The following MIS18A variants were observed in gnomAD, a reference collection of about 807,000 sequenced individuals.
MIS18A encodes the protein MIS18 kinetochore protein A.
In MIS18A, 14 loss-of-function variants were observed where a neutral mutation model predicts 25.0. The observed-to-expected ratio is 0.56, with a 90% CI of 0.37 to 0.88. MIS18A has a LOEUF of 0.88. MIS18A is among the 40% of genes least tolerant of loss of function. The pLI is 0.00. For synonymous variants in MIS18A, 134 were observed against 118.6 expected (o/e 1.13, Z -0.84); for missense variants, 292 against 290.8 (o/e 1.00, Z -0.03).
At chr21:32,243,059 G>A in the MIS18A span, among the ~76,000 whole-genome samples, 7 of 152,116 alleles carry the variant, frequency 4.6e-5, no homozygotes, top group East Asian at 1.2e-3. Context: ...ACATCCAGAG[G>A]CAAAATAAAT....
At chr21:32,195,320 C>T in the MIS18A span, among the ~76,000 whole-genome samples, 5 of 152,162 alleles carry the variant, frequency 3.3e-5, no homozygotes, top group South Asian at 4.1e-4. Flanking sequence ...GGCCTATGTG[C>T]GTCATTCAAG....
intron 2 of MIS18A, among the ~76,000 whole-genome samples, chr21:32,273,584 C>G (rs1416558070): frequency 6.6e-6 from 1 of 152,124 alleles, no homozygotes; most frequent in Non-Finnish European, 1.5e-5. Context: ...CTCAAGAAAT[C>G]GAAAGGGTTT....
At chr21:32,187,597 T>C in the MIS18A span, among the ~76,000 whole-genome samples, 7 of 152,186 alleles carry the variant, frequency 4.6e-5, no homozygotes, top group African/African-American at 1.7e-4. Flanking sequence ...AAAGGATGTG[T>C]TCTAGGGATG....
chr21:32,221,767 C>T, the MIS18A span, among the ~76,000 whole-genome samples: 1 of 150,686 alleles, frequency 6.6e-6, no homozygotes, highest in African/African-American at 2.4e-5. Flanking sequence ...GTGGAGGGCA[C>T]CTGTAATCTC....
chr21:32,241,749 T>C, the MIS18A span, among the ~76,000 whole-genome samples: 1 of 152,148 alleles, frequency 6.6e-6, no homozygotes, highest in Admixed American at 6.5e-5. Flanking sequence ...AGCGGTAACA[T>C]TTCACTATAA....
At chr21:32,250,588 C>G in the MIS18A span, among the ~76,000 whole-genome samples, 1 of 152,198 alleles carries the variant, frequency 6.6e-6, no homozygotes, top group Non-Finnish European at 1.5e-5. Context: ...CTAGGCTGTC[C>G]TGAGGAACTC....
chr21:32,164,904 A>G, the MIS18A span, among the ~76,000 whole-genome samples: 1 of 152,236 alleles, frequency 6.6e-6, no homozygotes, highest in Admixed American at 6.5e-5. Context: ...AAAACATTCT[A>G]GAATAACATC....
the MIS18A span, among the ~76,000 whole-genome samples, chr21:32,259,045 T>C: frequency 6.6e-6 from 1 of 151,982 alleles, no homozygotes; most frequent in African/African-American, 2.4e-5. Flanking sequence ...AACTTTTTAA[T>C]TTTTTCGTAG....
At chr21:32,234,385 G>C in the MIS18A span, among the ~76,000 whole-genome samples, 1 of 152,046 alleles carries the variant, frequency 6.6e-6, no homozygotes, top group Non-Finnish European at 1.5e-5. Context: ...GCTTCCCATA[G>C]TCCTAATGCC....
the MIS18A span, among the ~76,000 whole-genome samples, chr21:32,253,400 C>T: frequency 7.2e-6 from 1 of 138,438 alleles, no homozygotes; most frequent in Non-Finnish European, 1.6e-5. Flanking sequence ...TCCCCCCACC[C>T]CCCATTAGGC....
At chr21:32,262,225 G>A in the MIS18A span, among the ~76,000 whole-genome samples, 1 of 152,156 alleles carries the variant, frequency 6.6e-6, no homozygotes, top group African/African-American at 2.4e-5. Flanking sequence ...ACAGTGCTCC[G>A]CACCTCCTAA....
the MIS18A span, among the ~76,000 whole-genome samples, chr21:32,187,321 T>C: frequency 6.6e-6 from 1 of 152,188 alleles, no homozygotes; most frequent in Non-Finnish European, 1.5e-5. Context: ...GTGTCACATT[T>C]TGAAGTCAAT....
the MIS18A span, among the ~76,000 whole-genome samples, chr21:32,228,510 C>A: frequency 6.6e-5 from 10 of 151,950 alleles, no homozygotes; most frequent in African/African-American, 2.4e-4. Flanking sequence ...GGGCAACAGG[C>A]AAGAAAGAGA....
the MIS18A span, among the ~76,000 whole-genome samples, chr21:32,158,471 A>ATTTTTTTTTTTTT: frequency 6.9e-6 from 1 of 144,642 alleles, no homozygotes. Flanking sequence ...GATTATTATG[A>ATTTTTTTTTTTTT]TTTTTTTTTT....
chr21:32,158,188 AT>A, the MIS18A span, among the ~76,000 whole-genome samples: 2 of 152,166 alleles, frequency 1.3e-5, no homozygotes, highest in Admixed American at 6.5e-5. Context: ...TTCAAAAATA[AT>A]TTTTTTCCTT....
intron 1 of MIS18A, 24 bp downstream of exon 1, chr21:32,278,657 C>G (rs1389405900): frequency 1.5e-5 from 23 of 1,494,212 alleles, no homozygotes; most frequent in East Asian, 4.8e-5. Context: ...CCACGCCCCC[C>G]CTGCCCGGCT....
the MIS18A span, among the ~76,000 whole-genome samples, chr21:32,181,435 G>C: frequency 6.6e-6 from 1 of 152,108 alleles, no homozygotes. Context: ...GTTTCTCTGG[G>C]GAACCCTCAC....
the MIS18A span, among the ~76,000 whole-genome samples, chr21:32,211,517 G>A: frequency 2.4e-4 from 37 of 152,146 alleles, no homozygotes; most frequent in Non-Finnish European, 4.7e-4. Context: ...AGGCTGTTTC[G>A]GGAGATGGCT....
chr21:32,173,670 A>G, the MIS18A span, among the ~76,000 whole-genome samples: 1 of 152,148 alleles, frequency 6.6e-6, no homozygotes, highest in African/African-American at 2.4e-5. Context: ...AGTCACAAAG[A>G]TATATTGTAT....
Sources: allele counts gnomAD v4.1 joint callset (sites outside exome capture counted in the v4.1 genomes callset), GRCh38; gene constraint gnomAD v4.1.1; transcripts MANE v1.5; gene names NCBI Gene and HGNC (gene_info 2026-07-23, HGNC 2026-07-21).